KCNIP4: variants seen among roughly 807,000 people sequenced by gnomAD.
The protein encoded by KCNIP4 is potassium voltage-gated channel interacting protein 4.
A neutral mutation model predicts 34.0 loss-of-function variants in KCNIP4; 12 were observed. The observed-to-expected ratio is 0.35, with a 90% confidence interval of 0.23 to 0.57. KCNIP4 has a LOEUF of 0.57. KCNIP4 is among the 20% of genes least tolerant of loss of function. The pLI is 0.83. For missense variants in KCNIP4, 238 were observed against 311.7 expected (o/e 0.76, Z 1.78); for synonymous variants, 124 against 102.2 (o/e 1.21, Z -1.29).
chr4:21,329,757 A>C (rs1334556250), intron 1 of KCNIP4, among the ~76,000 whole-genome samples: 1 of 152,230 alleles, frequency 6.6e-6, no homozygotes, highest in Non-Finnish European at 1.5e-5. Context: ...GGGATATTAC[A>C]TACAATACCA....
chr4:21,318,820 G>A (rs950597639), intron 1 of KCNIP4, among the ~76,000 whole-genome samples: 4 of 151,866 alleles, frequency 2.6e-5, no homozygotes, highest in Non-Finnish European at 4.4e-5. Flanking sequence ...AAACCCTCTT[G>A]GGTTTTTATT....
At chr4:21,363,679 T>C (rs1719449337) in intron 1 of KCNIP4, among the ~76,000 whole-genome samples, 1 of 152,134 alleles carries the variant, frequency 6.6e-6, no homozygotes, top group Non-Finnish European at 1.5e-5. Flanking sequence ...AAGATGATGA[T>C]TTTGACTATC....
At chr4:21,891,103 T>C (rs887033070) in intron 1 of KCNIP4, among the ~76,000 whole-genome samples, 3 of 152,096 alleles carry the variant, frequency 2.0e-5, no homozygotes, top group Non-Finnish European at 4.4e-5. Flanking sequence ...GTTCCTCATA[T>C]ATAAGGAATG....
At chr4:20,803,736 A>G (rs1714710922) in intron 3 of KCNIP4, among the ~76,000 whole-genome samples, 2 of 142,208 alleles carry the variant, frequency 1.4e-5, no homozygotes, top group Non-Finnish European at 1.5e-5. Context: ...AGAGGAAGGA[A>G]GGAAGGAAGG....
intron 1 of KCNIP4, among the ~76,000 whole-genome samples, chr4:20,982,222 T>G (rs1414006083): frequency 6.6e-6 from 1 of 152,214 alleles, no homozygotes; most frequent in East Asian, 1.9e-4. Flanking sequence ...GAGGTTGTCC[T>G]TTAGAACCTA....
At chr4:21,101,654 G>A (rs1747951173) in intron 1 of KCNIP4, among the ~76,000 whole-genome samples, 1 of 152,126 alleles carries the variant, frequency 6.6e-6, no homozygotes, top group Non-Finnish European at 1.5e-5. Context: ...TGATGAAAAT[G>A]TTCTATTATT....
intron 1 of KCNIP4, among the ~76,000 whole-genome samples, chr4:20,975,390 A>G (rs1735379561): frequency 6.6e-6 from 1 of 152,216 alleles, no homozygotes; most frequent in Non-Finnish European, 1.5e-5. Flanking sequence ...GTATATTATC[A>G]ACTTCTCTAA....
At chr4:21,345,851 A>C (rs2109358219) in intron 1 of KCNIP4, among the ~76,000 whole-genome samples, 2 of 151,882 alleles carry the variant, frequency 1.3e-5, no homozygotes, top group Middle Eastern at 3.4e-3. Flanking sequence ...GTTAGAATTA[A>C]AGCCCATTAC....
chr4:21,602,128 C>T (rs966404832), intron 1 of KCNIP4, among the ~76,000 whole-genome samples: 14 of 151,994 alleles, frequency 9.2e-5, no homozygotes, highest in Non-Finnish European at 1.5e-5. Context: ...CAACCTTGGG[C>T]ACTGACTACT....
intron 3 of KCNIP4, among the ~76,000 whole-genome samples, chr4:20,774,315 T>C (rs1471506495): frequency 6.6e-6 from 1 of 152,072 alleles, no homozygotes; most frequent in African/African-American, 2.4e-5. Flanking sequence ...ATCACACCAG[T>C]GTTCCACTTC....
intron 1 of KCNIP4, among the ~76,000 whole-genome samples, chr4:21,720,021 G>A (rs1446268019): frequency 1.6e-5 from 2 of 123,716 alleles, no homozygotes; most frequent in African/African-American, 1.0e-4. Context: ...AGAAGAAGGA[G>A]AAGGAGAAGG....
chr4:21,139,082 A>AT (rs959111165), intron 1 of KCNIP4, among the ~76,000 whole-genome samples: 6 of 152,134 alleles, frequency 3.9e-5, no homozygotes, highest in African/African-American at 9.7e-5. Flanking sequence ...AACACTAGGT[A>AT]TTTTTTTAAC....
chr4:21,691,855 T>C (rs1711680543), intron 1 of KCNIP4, among the ~76,000 whole-genome samples: 1 of 151,994 alleles, frequency 6.6e-6, no homozygotes, highest in South Asian at 2.1e-4. Flanking sequence ...CCCGCCACCA[T>C]GCGCAGCTAA....
At chr4:21,415,096 C>T (rs1302177892) in intron 1 of KCNIP4, among the ~76,000 whole-genome samples, 1 of 151,742 alleles carries the variant, frequency 6.6e-6, no homozygotes. Context: ...ATCCCCATTC[C>T]CCCCCAGTCC....
chr4:21,179,743 AC>A (rs1439566647), intron 1 of KCNIP4, among the ~76,000 whole-genome samples: 1 of 151,950 alleles, frequency 6.6e-6, no homozygotes, highest in African/African-American at 2.4e-5. Flanking sequence ...TAAACTTCAT[AC>A]AAAAAAACTT....
intron 1 of KCNIP4, among the ~76,000 whole-genome samples, chr4:21,826,277 A>G (rs745353503): frequency 6.6e-6 from 1 of 152,188 alleles, no homozygotes; most frequent in Admixed American, 6.6e-5. Context: ...GTAATCCACC[A>G]TATGAATACA....
chr4:21,339,257 G>A (rs779109993), intron 1 of KCNIP4, among the ~76,000 whole-genome samples: 4 of 152,148 alleles, frequency 2.6e-5, no homozygotes, highest in Non-Finnish European at 5.9e-5. Flanking sequence ...AAATTCTGCT[G>A]AGTAACTGTA....
intron 1 of KCNIP4, among the ~76,000 whole-genome samples, chr4:21,190,217 A>G (rs1263161907): frequency 6.6e-6 from 1 of 152,216 alleles, no homozygotes; most frequent in African/African-American, 2.4e-5. Flanking sequence ...TCTACTAAAC[A>G]ATCTTGGAGT....
At chr4:21,797,645 T>C (rs1720710131) in intron 1 of KCNIP4, among the ~76,000 whole-genome samples, 1 of 152,210 alleles carries the variant, frequency 6.6e-6, no homozygotes, top group Admixed American at 6.5e-5. Flanking sequence ...ATTTGGGTTG[T>C]ATTTTGTTTC....
Sources: gnomAD v4.1 joint callset for allele counts (sites outside exome capture counted in the v4.1 genomes callset) on GRCh38, gnomAD v4.1.1 for gene constraint, MANE v1.5 for transcripts, NCBI Gene and HGNC (gene_info 2026-07-23, HGNC 2026-07-21) for gene names.